Variants in SMIM41 observed in about 807,000 individuals in gnomAD.
SMIM41 encodes small integral membrane protein 41.
chr12:52,094,197 A>AT (rs562390454), intron 2 of SMIM41, among the ~76,000 whole-genome samples: 536 of 131,656 alleles, frequency 4.1e-3, no homozygotes, highest in East Asian at 0.017. Flanking sequence ...GAAGTTTTTG[A>AT]TTTTTTTTTT....
At position 52,107,426 on chromosome 12, in the gene SMIM41, T is replaced by A. The variant is rs1229377516; in HGVS notation, c.*243T>A. ...CAGCTGGTCCTTGCTGGACTGTTCC[T>A]GTCCATGTGCCTGGTCATGGTGCTG... On this transcript the variant is annotated 3_prime_UTR_variant, in exon 3 of 3. Transcript: ENST00000546390. The A allele has an allele frequency of 6.9e-5, 40 of 579,654 alleles. 1 individual carries two copies. The highest frequency in any genetic ancestry group is 1.2e-4 in the Non-Finnish European group (34 of 293,150). The allele number at this position is 579,654 out of a possible 1,614,324, so 35.9% of individuals were successfully genotyped here.
intron 1 of SMIM41, among the ~76,000 whole-genome samples, chr12:52,083,547 G>T (rs149525187): frequency 5.6e-4 from 85 of 152,322 alleles, no homozygotes; most frequent in South Asian, 1.7e-3. Context: ...GGGTGGGTGT[G>T]AAGTGGGGGC....
In SMIM41 at chr12:52,107,503, C is replaced by T. The variant is rs1464708281; in HGVS notation, c.*320C>T. On this transcript the variant is annotated 3_prime_UTR_variant, in exon 3 of 3. Coordinates refer to ENST00000546390, the MANE Select transcript of SMIM41 (RefSeq NM_001369216.1). ...AGCCCTGACTCCCACCTCCACACCTCCATGTACTTCTTCCTCTCCAACCTG... is the reference window on the plus strand; with the variant it reads ...AGCCCTGACTCCCACCTCCACACCTTCATGTACTTCTTCCTCTCCAACCTG... The T allele has an allele frequency of 1.9e-5, 17 of 878,372 alleles. No individual in the cohort carries two copies. The highest frequency in any genetic ancestry group is 9.0e-5 in the Admixed American group (5 of 55,366). The allele number at this position is 878,372 out of a possible 1,614,324, so 54.4% of individuals were successfully genotyped here.
At chr12:52,107,205 TTG>T in intron 2 of SMIM41, 172 bp from the exon 3 acceptor site, 1 of 361,880 alleles carries the variant, frequency 2.8e-6, no homozygotes, top group South Asian at 2.1e-5. Flanking sequence ...TGAGTGTGGA[TTG>T]CTCTGGAATC....
chr12:52,086,129 G>C (rs534332833), intron 2 of SMIM41, among the ~76,000 whole-genome samples: 15 of 152,322 alleles, frequency 9.8e-5, no homozygotes, highest in African/African-American at 3.6e-4. Flanking sequence ...CAGGGATGGG[G>C]GAGGGAGCCC....
rs565034742 is a variant in SMIM41 at position 52,091,755 on chromosome 12, G to A, written c.*195+7787G>A. ...CTCCTTAACTTTCTCAAACAAAAAT[G>A]TATGAACTCCCAGAAATGTCCCAGA... On this transcript the variant is annotated intron_variant, in intron 2 of 2. Coordinates refer to ENST00000546390, the MANE Select transcript of SMIM41 (RefSeq NM_001369216.1). Among the ~76,000 whole-genome samples, 6 of 152,360 alleles carry A rather than the reference G, an allele frequency of 3.9e-5. No individual in the cohort carries two copies. In the South Asian group the frequency reaches 1.2e-3, roughly 32 times the overall value.
chr12:52,080,378 G>A lies in SMIM41; in HGVS notation c.*120+197G>A, dbSNP rs564467457. Among the ~76,000 whole-genome samples, 244 of 152,302 alleles carry A rather than the reference G, an allele frequency of 1.6e-3. 1 individual carries two copies. The highest frequency in any genetic ancestry group is 4.9e-3 in the African/African-American group (203 of 41,580). On this transcript the variant is annotated intron_variant, in intron 1 of 2. Transcript: ENST00000546390. ...CCACCCAGGTGTGCGGGATCAGGAG[G>A]AGGCCGCCCCGCCCCGGATTGTGTC...
chr12:52,098,409 C>G (rs1451244929), intron 2 of SMIM41, among the ~76,000 whole-genome samples: 1 of 152,048 alleles, frequency 6.6e-6, no homozygotes, highest in Non-Finnish European at 1.5e-5. Context: ...GATTTTCTCC[C>G]CCCTGGATAT....
intron 2 of SMIM41, among the ~76,000 whole-genome samples, chr12:52,089,949 AC>A (rs1939969222): frequency 6.6e-6 from 1 of 152,064 alleles, no homozygotes; most frequent in Non-Finnish European, 1.5e-5. Context: ...TTTGGGGGGG[AC>A]ACAGTTCAAC....
At chr12:52,107,113 G>A (rs1940356296) in intron 2 of SMIM41, among the ~76,000 whole-genome samples, 1 of 152,210 alleles carries the variant, frequency 6.6e-6, no homozygotes, top group Non-Finnish European at 1.5e-5. Context: ...AGGCAGGTAT[G>A]TACAGCAAGA....
At chr12:52,086,745 C>T (rs766298063) in intron 2 of SMIM41, among the ~76,000 whole-genome samples, 1 of 152,222 alleles carries the variant, frequency 6.6e-6, no homozygotes, top group Non-Finnish European at 1.5e-5. Flanking sequence ...CTGACATTGT[C>T]ACTCTGGTCC....
At chr12:52,090,293 G>T (rs1939976749) in intron 2 of SMIM41, among the ~76,000 whole-genome samples, 1 of 152,122 alleles carries the variant, frequency 6.6e-6, no homozygotes, top group Non-Finnish European at 1.5e-5. Flanking sequence ...GGCTGAGTCA[G>T]GCTGGTCTCG....
chr12:52,105,952 A>G (rs1173958879), intron 2 of SMIM41, among the ~76,000 whole-genome samples: 2 of 152,132 alleles, frequency 1.3e-5, no homozygotes, highest in African/African-American at 4.8e-5. Flanking sequence ...AGTTGATCCA[A>G]TGGAAGTGAG....
intron 2 of SMIM41, among the ~76,000 whole-genome samples, chr12:52,104,674 G>A (rs7315291): frequency 1.9e-5 from 2 of 106,986 alleles, no homozygotes; most frequent in Admixed American, 1.9e-4. Flanking sequence ...GGTTATGGTC[G>A]GGGGGGGGCG....
At chr12:52,098,759 C>T (rs1447033848) in intron 2 of SMIM41, among the ~76,000 whole-genome samples, 1 of 147,818 alleles carries the variant, frequency 6.8e-6, no homozygotes, top group Non-Finnish European at 1.5e-5. Context: ...ACTGCCTCTG[C>T]GATATTGGGA....
chr12:52,103,732 C>T (rs191649218), intron 2 of SMIM41, among the ~76,000 whole-genome samples: 105 of 151,824 alleles, frequency 6.9e-4, no homozygotes, highest in Middle Eastern at 6.8e-3. Context: ...CCAGCCTGGG[C>T]GACAGAGAAA....
At chr12:52,083,753 C>T (rs1939851546) in intron 1 of SMIM41, 141 bp from the exon 2 acceptor site, 2 of 152,210 alleles carry the variant, frequency 1.3e-5, no homozygotes, top group Admixed American at 6.5e-5. Context: ...ACCTCAGTCT[C>T]TTAGTTTATA....
At chr12:52,091,008 G>T (rs1939992420) in intron 2 of SMIM41, among the ~76,000 whole-genome samples, 1 of 152,114 alleles carries the variant, frequency 6.6e-6, no homozygotes, top group Admixed American at 6.5e-5. Flanking sequence ...TCTTGTTTTT[G>T]TTTTTGTTAT....
At chr12:52,087,124 A>C (rs994199038) in intron 2 of SMIM41, among the ~76,000 whole-genome samples, 3 of 152,170 alleles carry the variant, frequency 2.0e-5, no homozygotes, top group African/African-American at 7.2e-5. Flanking sequence ...AACTCTGCTC[A>C]GGTGCCCTCT....
Sources: gnomAD v4.1 joint callset for allele counts (sites outside exome capture counted in the v4.1 genomes callset) on GRCh38, gnomAD v4.1.1 for gene constraint, MANE v1.5 for transcripts, NCBI Gene and HGNC (gene_info 2026-07-23, HGNC 2026-07-21) for gene names.